Variants in DAPK1 observed in about 807,000 individuals in gnomAD.
DAPK1 encodes the protein death-associated protein kinase 1.
Under a neutral mutation model 144.9 loss-of-function variants are expected in DAPK1, and 56 were observed. The ratio of observed to expected loss-of-function variants is 0.39; its 90% CI spans 0.31 to 0.48. The LOEUF (loss-of-function observed/expected upper bound fraction) is 0.48. Among genes scored for constraint, DAPK1 ranks in the 20% least tolerant of loss-of-function variants. DAPK1 has a pLI of 0.95. For synonymous variants in DAPK1, 690 were observed against 749.0 expected, an observed-to-expected ratio of 0.92 and a Z score of 1.29; for missense variants, 1,454 against 1,875.4, an observed-to-expected ratio of 0.78 and a Z score of 4.15.
At chr9:87,575,278 A>G (rs1257145235) in intron 2 of DAPK1, among the ~76,000 whole-genome samples, 1 of 150,972 alleles carries the variant, frequency 6.6e-6, no homozygotes, top group Admixed American at 6.6e-5. Context: ...AAATAAAGGT[A>G]AAAGGCAAGA....
At chr9:87,605,210 G>T (rs1424286848) in intron 3 of DAPK1, 35 bp downstream of exon 3, 1 of 1,562,026 alleles carries the variant, frequency 6.4e-7, no homozygotes, top group South Asian at 1.1e-5. Context: ...GGGAGAGGGT[G>T]TGGTGGGCGT....
chr9:87,629,601 C>G lies in DAPK1; in HGVS notation c.285-8342C>G, dbSNP rs535308328. ...CTGTGTTGCCCTGGGTGGTCTCAAA[C>G]TTGGGGCCTCAAGCAACCCCGCCTT... On this transcript the variant is annotated intron_variant, in intron 3 of 25. Coordinates refer to ENST00000408954, the MANE Select transcript of DAPK1 (RefSeq NM_004938.4). Among the ~76,000 whole-genome samples, 23 of 152,202 alleles carry G rather than the reference C, an allele frequency of 1.5e-4. No homozygotes were observed. The South Asian group carries it at 3.5e-3, about 23-fold the overall frequency.
In DAPK1 at chr9:87,651,638, C is replaced by A; in HGVS notation, c.1738C>A (p.Pro580Thr). ...TTATCAAGACAGGCACGGCAATACTCCCCTCCATGTGGCATGTAAAGATGG... is the reference window on the plus strand; with the variant it reads ...TTATCAAGACAGGCACGGCAATACTACCCTCCATGTGGCATGTAAAGATGG... ...VDYQDRHGNT[P>T]LHVACKDGNM... The change falls in exon 17 of 26, where the codon CCC becomes ACC. Residue 580 changes from proline (P) to threonine (T), a missense_variant. This residue lies in a region of DAPK1 where 1,025 missense variants were observed against 1,237.9 expected (regional missense o/e 0.83). Transcript: ENST00000408954. The A allele has an allele frequency of 1.2e-6, 2 of 1,614,200 alleles. No individual in the cohort carries two copies. The highest frequency in any genetic ancestry group is 2.2e-5 in the South Asian group (2 of 91,088).
intron 2 of DAPK1, among the ~76,000 whole-genome samples, chr9:87,576,475 T>C (rs1827564768): frequency 6.6e-6 from 1 of 152,224 alleles, no homozygotes; most frequent in East Asian, 1.9e-4. Context: ...GGGTGACTGG[T>C]GAGCCTTAGT....
intron 2 of DAPK1, among the ~76,000 whole-genome samples, chr9:87,530,379 A>G (rs1375020023): frequency 6.6e-6 from 1 of 152,216 alleles, no homozygotes; most frequent in Non-Finnish European, 1.5e-5. Context: ...GGGTAGCTTG[A>G]TTTTAAATGT....
chr9:87,534,254 T>TG (rs1563979727), intron 2 of DAPK1, among the ~76,000 whole-genome samples: 1 of 33,344 alleles, frequency 3.0e-5, no homozygotes, highest in African/African-American at 2.9e-4. Context: ...CAGTTTTTTT[T>TG]TTTGTTTTTT....
Position 87,706,119 on chromosome 9 carries a change from T to C in DAPK1, c.3061-13T>C. The C allele has an allele frequency of 6.4e-7, 1 of 1,568,924 alleles. No homozygotes were observed. Reference sequence around the variant, plus strand: ...TCTGTCCCTAAGCGTGACTTTCTGTTGTCCCCCCGCAGATCAACATCATGC... The same window carrying C: ...TCTGTCCCTAAGCGTGACTTTCTGTCGTCCCCCCGCAGATCAACATCATGC... On this transcript the variant is annotated splice_polypyrimidine_tract_variant and intron_variant, in intron 25 of 25. Coordinates refer to ENST00000408954, the MANE Select transcript of DAPK1 (RefSeq NM_004938.4). The surrounding 1 kb of genome is among the most constrained non-coding windows in gnomAD (Gnocchi z 9.0).
At position 87,651,768 on chromosome 9, in the gene DAPK1, A is replaced by G. The variant is rs770044328; in HGVS notation, c.1824+44A>G. The G allele has an allele frequency of 1.2e-5, 18 of 1,558,236 alleles. No homozygotes were observed. The Admixed American group carries it at 1.6e-4, about 14-fold the overall frequency. On this transcript the variant is annotated intron_variant, in intron 17 of 25. Coordinates refer to ENST00000408954, the MANE Select transcript of DAPK1 (RefSeq NM_004938.4). Reference sequence around the variant, plus strand: ...ATCCCTACAGCTTCCAACTGTGTCCATCCACCCGATTCTGGGTCCTGATTC... The same window carrying G: ...ATCCCTACAGCTTCCAACTGTGTCCGTCCACCCGATTCTGGGTCCTGATTC...
chr9:87,577,799 GAAAAATA>G (rs1827618879), intron 2 of DAPK1, among the ~76,000 whole-genome samples: 1 of 151,870 alleles, frequency 6.6e-6, no homozygotes, highest in Admixed American at 6.6e-5. Context: ...TCTGTCTCAG[GAAAAATA>G]AAAAATAAAA....
rs567956957 is a variant in DAPK1, at chr9:87,533,186, T to A, written c.62+34047T>A. On this transcript the variant is annotated intron_variant, in intron 2 of 25. Coordinates refer to ENST00000408954, the MANE Select transcript of DAPK1 (RefSeq NM_004938.4). Reference sequence around the variant, plus strand: ...TAAAATATATATACACATGCGTGTGTGTGGATATGTATGCATATCTATATG... The same window carrying A: ...TAAAATATATATACACATGCGTGTGAGTGGATATGTATGCATATCTATATG... Among the ~76,000 whole-genome samples the A allele has an allele frequency of 1.3e-3, 205 of 152,364 alleles. 1 individual carries two copies. Among genetic ancestry groups the A allele is most frequent in the Non-Finnish European group, 2.2e-3 (152 of 68,046 alleles).
chr9:87,622,336 G>A (rs1049199739), intron 3 of DAPK1, among the ~76,000 whole-genome samples: 1 of 152,048 alleles, frequency 6.6e-6, no homozygotes, highest in Non-Finnish European at 1.5e-5. Flanking sequence ...CAGACACCCT[G>A]CAGGGTGTGA....
At chr9:87,649,426 T>TACCACTC (rs774016370) in intron 15 of DAPK1, among the ~76,000 whole-genome samples, 1 of 152,228 alleles carries the variant, frequency 6.6e-6, no homozygotes, top group African/African-American at 2.4e-5. Context: ...ACAATACTGT[T>TACCACTC]ACCACTCACC....
At chr9:87,636,930 A>G (rs573706746) in intron 3 of DAPK1, among the ~76,000 whole-genome samples, 62 of 152,280 alleles carry the variant, frequency 4.1e-4, no homozygotes, top group African/African-American at 1.5e-3. Context: ...TTTTGAATGC[A>G]TGCTGTGTGC....
intron 3 of DAPK1, among the ~76,000 whole-genome samples, chr9:87,623,783 C>G (rs1829392815): frequency 6.6e-6 from 1 of 152,082 alleles, no homozygotes. Context: ...AAGTGCCTTT[C>G]ATTTGAGCTC....
chr9:87,508,445 C>T (rs918772285), intron 2 of DAPK1, among the ~76,000 whole-genome samples: 6 of 148,106 alleles, frequency 4.1e-5, no homozygotes, highest in East Asian at 2.1e-4. Flanking sequence ...CGGGTTCACG[C>T]CATTCTCCTG....
chr9:87,505,994 G>A (rs1016594678), intron 2 of DAPK1, among the ~76,000 whole-genome samples: 1 of 152,182 alleles, frequency 6.6e-6, no homozygotes, highest in African/African-American at 2.4e-5. Context: ...GCCTGGCCGG[G>A]ACTTTGACCT....
chr9:87,593,186 T>C (rs1010197882), intron 2 of DAPK1, among the ~76,000 whole-genome samples: 1 of 152,178 alleles, frequency 6.6e-6, no homozygotes. Flanking sequence ...CCCAAGCATG[T>C]TGGCCACCCA....
intron 18 of DAPK1, among the ~76,000 whole-genome samples, chr9:87,660,891 C>T (rs1830822094): frequency 6.6e-6 from 1 of 152,160 alleles, no homozygotes; most frequent in African/African-American, 2.4e-5. Context: ...CTTCGCCAGG[C>T]TGGAATGCAG....
At chr9:87,534,269 T>TA (rs199609175) in intron 2 of DAPK1, among the ~76,000 whole-genome samples, 1 of 151,464 alleles carries the variant, frequency 6.6e-6, no homozygotes, top group African/African-American at 2.4e-5. Context: ...TTTTTTTTTT[T>TA]AACGCTGCCA....
Sources: gnomAD v4.1 joint callset for allele counts (sites outside exome capture counted in the v4.1 genomes callset) on GRCh38, gnomAD v4.1.1 for gene constraint, gnomAD v4.1.1 regional missense constraint, Gnocchi (gnomAD v3.1) non-coding constraint, MANE v1.5 for transcripts, NCBI Gene and HGNC (gene_info 2026-07-23, HGNC 2026-07-21) for gene names.